The following NCKAP5L variants were observed in gnomAD, a reference collection of about 807,000 sequenced individuals.
NCKAP5L encodes the protein NCK associated protein 5 like.
A neutral mutation model predicts 103.2 loss-of-function variants in NCKAP5L; 54 were observed. That is an observed-to-expected ratio of 0.52 (90% confidence interval 0.42 to 0.66). The LOEUF is 0.66. Ranked by LOEUF, NCKAP5L falls within the 30% of genes least tolerant of loss-of-function variation. The pLI is 0.00. For synonymous variants in NCKAP5L, 762 were observed against 748.6 expected (o/e 1.02, Z -0.29); for missense variants, 1,733 against 1,750.6 (o/e 0.99, Z 0.18).
chr12:49,808,372 G>A (rs1946203549), intron 1 of NCKAP5L, among the ~76,000 whole-genome samples: 1 of 152,226 alleles, frequency 6.6e-6, no homozygotes, highest in African/African-American at 2.4e-5. Context: ...AGCCCAGGAT[G>A]AGGGGGCCTC....
Position 49,792,079 on chromosome 12 carries a change from A to C in NCKAP5L, c.3793-28T>G. ...GGGAAAGGAGGGGCAGCTCGGGAGG[A>C]AGCTCCTCTCCACCTTTCGGCCCAG... On this transcript the variant is annotated intron_variant, in intron 12 of 12. Coordinates refer to ENST00000335999, the MANE Select transcript of NCKAP5L (RefSeq NM_001037806.4). This position sits in a 1 kb window ranked among gnomAD's most constrained non-coding sequence, Gnocchi z 4.5. 2.7e-6 allele frequency: 4 copies of C among 1,493,722 alleles called. No homozygotes were observed. The South Asian group carries it at 5.4e-5, about 20-fold the overall frequency. The allele number at this position is 1,493,722 out of a possible 1,614,324, so 92.5% of individuals were successfully genotyped here. A position where few individuals can be genotyped will look rare whatever the true frequency, so the allele number is the denominator to read the frequency against.
intron 10 of NCKAP5L, among the ~76,000 whole-genome samples, 161 bp downstream of exon 10, chr12:49,793,191 G>A (rs938940977): frequency 6.6e-6 from 1 of 152,216 alleles, no homozygotes; most frequent in African/African-American, 2.4e-5. Flanking sequence ...CTGAGGGCAG[G>A]GAAGGATTTG....
intron 7 of NCKAP5L, 74 bp downstream of exon 7, chr12:49,798,276 G>A (rs1413362529): frequency 7.4e-7 from 1 of 1,351,510 alleles, no homozygotes; most frequent in Non-Finnish European, 1.0e-6. Context: ...TCTGAGCACT[G>A]GGAAACAGCC....
Position 49,826,970 on chromosome 12 carries a change from G to A in NCKAP5L, c.-99+1352C>T, listed in dbSNP as rs138909589. Among the ~76,000 whole-genome samples the A allele has an allele frequency of 2.4e-4, 37 of 152,262 alleles. 1 individual carries two copies. The highest frequency in any genetic ancestry group is 7.7e-4 in the African/African-American group (32 of 41,546). On this transcript the variant is annotated intron_variant, in intron 1 of 12. Transcript: ENST00000335999. ...AGCTTGAACATGGGAATATCTCCCCGGAAAGGAATACACACGGTTTCTTTG... is the reference window on the plus strand; with the variant it reads ...AGCTTGAACATGGGAATATCTCCCCAGAAAGGAATACACACGGTTTCTTTG...
In NCKAP5L at chr12:49,792,823, T is replaced by C. The variant is rs1324247766; in HGVS notation, c.3504A>G (p.Lys1168=). The C allele has an allele frequency of 6.3e-7, 1 of 1,585,152 alleles. No individual in the cohort carries two copies. The highest frequency in any genetic ancestry group is 1.3e-5 in the African/African-American group (1 of 74,450). Residue 1168 remains lysine, a synonymous_variant, in exon 11 of 13, where the codon AAA becomes AAG. Transcript: ENST00000335999. The surrounding 1 kb of genome is among the most constrained non-coding windows in gnomAD (Gnocchi z 4.5). ...VPPARPPPLT[K]VPRRAHTLER... is the part of the protein sequence containing the mutation. ...CCAGTGTGTGGGCGCGGCGGGGGAC[T>C]TTGGTAAGGGGTGGGGGCCGAGCTG... is the stretch of plus-strand genomic sequence containing the variant.
rs1292904001 is a variant in NCKAP5L at position 49,792,205 on chromosome 12, G to A, written c.3793-154C>T. ...TATACTTCAGAGGAAACAGGCTGGA[G>A]GTACAACTGAGAACAGTCCTACAAG... On this transcript the variant is annotated intron_variant, in intron 12 of 12. Coordinates refer to ENST00000335999, the MANE Select transcript of NCKAP5L (RefSeq NM_001037806.4). The surrounding 1 kb of genome is among the most constrained non-coding windows in gnomAD (Gnocchi z 4.5). The A allele has an allele frequency of 1.9e-6, 2 of 1,044,452 alleles. No homozygotes were observed. Among genetic ancestry groups the A allele is most frequent in the Non-Finnish European group, 2.8e-6 (2 of 707,600 alleles). The allele number at this position is 1,044,452 out of a possible 1,614,324, so 64.7% of individuals were successfully genotyped here. A position where few individuals can be genotyped will look rare whatever the true frequency, so the allele number is the denominator to read the frequency against.
rs1945981804 is a variant in NCKAP5L at position 49,793,829 on chromosome 12, G to C, written c.3163C>G (p.Pro1055Ala). Residue 1055 changes from proline (P) to alanine (A), a missense_variant, in exon 9 of 13, where the codon CCG becomes GCG. By Grantham distance (27) the Pro-to-Ala change is conservative. Transcript: ENST00000335999. ...GGGCTCTTGGGGTCAGAAGACACCG[G>C]CTGGAAATCCCCGTACTCAGGCTTG... Reference protein sequence around the residue: ...EPKPEYGDFQPVSSDPKSPWP... With the variant: ...EPKPEYGDFQAVSSDPKSPWP... 1.3e-6 allele frequency: 2 copies of C among 1,591,404 alleles called. No homozygotes were observed. The highest frequency in any genetic ancestry group is 1.7e-6 in the Non-Finnish European group (2 of 1,169,378).
chr12:49,796,843 T>G lies in NCKAP5L; in HGVS notation c.1017A>C (p.Leu339=). 6.2e-7 allele frequency: 1 copy of G among 1,613,042 alleles called. No individual in the cohort carries two copies. The highest frequency in any genetic ancestry group is 8.5e-7 in the Non-Finnish European group (1 of 1,179,750). ...GQLLEDTESY[L]QAFLAGAAGP... is the part of the protein sequence containing the mutation. ...CTGCAGCCCCGGCCAGGAAGGCCTG[T>G]AGGTAAGACTCTGTGTCCTCAAGGA... Residue 339 remains leucine (L), a synonymous_variant, in exon 8 of 13, where the codon CTA becomes CTC. Transcript: ENST00000335999.
At chr12:49,794,637 T>A in intron 8 of NCKAP5L, 128 bp downstream of exon 8, 1 of 633,732 alleles carries the variant, frequency 1.6e-6, no homozygotes, top group Non-Finnish European at 2.3e-6. Context: ...TGGCCTTCTA[T>A]CCCTTTTGAC....
intron 7 of NCKAP5L, 108 bp downstream of exon 7, chr12:49,798,242 T>C (rs961016983): frequency 2.0e-5 from 21 of 1,060,046 alleles, no homozygotes; most frequent in Non-Finnish European, 2.7e-5. Flanking sequence ...ATTCGGCTGC[T>C]CACACTTCCA....
In NCKAP5L at chr12:49,795,052, C is replaced by T; in HGVS notation, c.2808G>A (p.Glu936=). 6.2e-7 allele frequency: 1 copy of T among 1,610,654 alleles called. No homozygotes were observed. The highest frequency in any genetic ancestry group is 8.5e-7 in the Non-Finnish European group (1 of 1,178,634). The change falls in exon 8 of 13, where the codon GAG becomes GAA. Residue 936 remains glutamate (E), a synonymous_variant. Coordinates refer to ENST00000335999, the MANE Select transcript of NCKAP5L (RefSeq NM_001037806.4). ...SKLPALNRRT[E]ATKNKEGAGG... ...CAGCCCCCTCCTTGTTCTTGGTGGC[C>T]TCTGTGCGGCGGTTCAGCGCTGGCA...
At chr12:49,806,760 C>A (rs1946185277) in intron 1 of NCKAP5L, among the ~76,000 whole-genome samples, 1 of 152,248 alleles carries the variant, frequency 6.6e-6, no homozygotes, top group South Asian at 2.1e-4. Flanking sequence ...CTAAGGCTCC[C>A]TGGAGGCTAG....
At chr12:49,815,951 CCTA>C (rs1205170177) in intron 1 of NCKAP5L, among the ~76,000 whole-genome samples, 1 of 152,228 alleles carries the variant, frequency 6.6e-6, no homozygotes, top group Non-Finnish European at 1.5e-5. Context: ...CCCACGACCT[CCTA>C]CTGCTTTTGG....
chr12:49,795,256 AG>A lies in NCKAP5L; in HGVS notation c.2603del (p.Thr868MetfsTer20). The stretch of plus-strand genomic sequence containing the variant: ...GCCCCTCAGGGCCCTGACTTGGGTC[AG>A]TGGGGCCAGGTACTAGGGGTGTGGA... Reference protein sequence around the residue: ...AQSTPLVPGPTDPSQGPEGLA... With the variant: ...AQSTPLVPGPXDPSQGPEGLA... On this transcript the variant is annotated frameshift_variant, in exon 8 of 13. Coordinates refer to ENST00000335999, the MANE Select transcript of NCKAP5L (RefSeq NM_001037806.4). LOFTEE classifies it high-confidence loss of function. The A allele has an allele frequency of 6.5e-7, 1 of 1,544,568 alleles. No homozygotes were observed. The highest frequency in any genetic ancestry group is 8.7e-7 in the Non-Finnish European group (1 of 1,146,888).
intron 8 of NCKAP5L, 97 bp from the exon 9 acceptor site, chr12:49,793,993 TC>T (rs1945984802): frequency 8.9e-7 from 1 of 1,127,882 alleles, no homozygotes; most frequent in Admixed American, 3.6e-5. Context: ...GGGAGGCACT[TC>T]CTGCCATCCA....
chr12:49,825,467 T>A (rs1157868440), intron 1 of NCKAP5L, among the ~76,000 whole-genome samples: 1 of 152,152 alleles, frequency 6.6e-6, no homozygotes, highest in Admixed American at 6.5e-5. Flanking sequence ...ACTTCGGCTG[T>A]CAGGCAAGGG....
At chr12:49,802,014 GGA>G (rs1322336509) in intron 5 of NCKAP5L, 47 bp from the exon 6 acceptor site, 1 of 1,606,762 alleles carries the variant, frequency 6.2e-7, no homozygotes, top group South Asian at 1.1e-5. Context: ...GAGGATGGTG[GGA>G]GAGTGTCACA....
chr12:49,816,668 C>T (rs904916665), intron 1 of NCKAP5L, among the ~76,000 whole-genome samples: 5 of 151,652 alleles, frequency 3.3e-5, no homozygotes, highest in Non-Finnish European at 5.9e-5. Context: ...CATGGTGGCA[C>T]GCGCCTGTGA....
Position 49,792,287 on chromosome 12 carries a change from G to T in NCKAP5L, c.3792+159C>A. The T allele has an allele frequency of 7.0e-7, 1 of 1,423,080 alleles. No individual in the cohort carries two copies. Among genetic ancestry groups the T allele is most frequent in the South Asian group, 1.2e-5 (1 of 80,988 alleles). 88.2% of individuals were successfully genotyped at this position (1,423,080 alleles called of 1,614,324 possible). On this transcript the variant is annotated intron_variant, in intron 12 of 12. Transcript: ENST00000335999. This position sits in a 1 kb window ranked among gnomAD's most constrained non-coding sequence, Gnocchi z 4.5. ...GAGAGAAGTGCAAGGAGGGCAGTGG[G>T]GAGGGCCGCTCACAGGGCATCCCAG...
Sources: gnomAD v4.1 joint callset for allele counts (sites outside exome capture counted in the v4.1 genomes callset) on GRCh38, gnomAD v4.1.1 for gene constraint, Gnocchi (gnomAD v3.1) non-coding constraint, MANE v1.5 for transcripts, NCBI Gene and HGNC (gene_info 2026-07-23, HGNC 2026-07-21) for gene names.